The following NADK variants were observed in gnomAD, a reference collection of about 807,000 sequenced individuals.
NADK encodes poly(P)/ATP NAD kinase.
Under a neutral mutation model 49.8 loss-of-function variants are expected in NADK, and 22 were observed. The ratio of observed to expected loss-of-function variants is 0.44; its 90% CI spans 0.32 to 0.63. The LOEUF is 0.63. Ranked by LOEUF, NADK falls within the 30% of genes least tolerant of loss-of-function variation. The pLI, the probability that NADK is intolerant of heterozygous loss-of-function variation, is 0.06. For synonymous variants in NADK, 268 were observed against 253.7 expected, an observed-to-expected ratio of 1.06 and a Z score of -0.54; for missense variants, 438 against 609.4, an observed-to-expected ratio of 0.72 and a Z score of 2.96.
intron 1 of NADK, among the ~76,000 whole-genome samples, chr1:1,766,311 C>A (rs1354462880): frequency 6.8e-6 from 1 of 146,864 alleles, no homozygotes; most frequent in East Asian, 2.0e-4. Flanking sequence ...GAGGTTGAGG[C>A]AGGAGAATCG....
At position 1,754,600 on chromosome 1, in the gene NADK, C is replaced by G. The variant is rs749358997; in HGVS notation, c.787G>C (p.Gly263Arg). ...TAVHNGLGENGSQAAGLDMDV... is the reference protein window; with the variant it reads ...TAVHNGLGENRSQAAGLDMDV... ...ATGTCCAGGCCTGCAGCCTGCGAGCCGTTCTCACCCAGCCCATTGTGCACG... is the reference window on the plus strand; with the variant it reads ...ATGTCCAGGCCTGCAGCCTGCGAGCGGTTCTCACCCAGCCCATTGTGCACG... The change falls in exon 8 of 12, where the codon GGC becomes CGC. Residue 263 changes from glycine (G) to arginine (R), a missense_variant. Transcript: ENST00000341426. This position sits in a 1 kb window ranked among gnomAD's most constrained non-coding sequence, Gnocchi z 4.3. 6.2e-7 allele frequency: 1 copy of G among 1,613,946 alleles called. No homozygotes were observed. The highest frequency in any genetic ancestry group is 8.5e-7 in the Non-Finnish European group (1 of 1,179,920).
At chr1:1,756,047 G>C (rs1359592224) in intron 6 of NADK, 2 of 603,066 alleles carry the variant, frequency 3.3e-6, no homozygotes, top group Non-Finnish European at 5.9e-6. Flanking sequence ...GCGGGCGCTG[G>C]CCACCCCCAG....
chr1:1,753,797 G>A (rs1398251498), intron 10 of NADK, 148 bp from the exon 11 acceptor site: 1 of 818,898 alleles, frequency 1.2e-6, no homozygotes. Context: ...ACAGGCACCG[G>A]CCCAGCTCAG....
At chr1:1,757,596 C>T (rs1645572114) in intron 3 of NADK, among the ~76,000 whole-genome samples, 2 of 152,104 alleles carry the variant, frequency 1.3e-5, no homozygotes, top group African/African-American at 2.4e-5. Flanking sequence ...GCACGCACCA[C>T]AGCCCTTCCC....
intron 3 of NADK, chr1:1,759,735 G>A (rs1358363293): frequency 1.7e-5 from 27 of 1,553,400 alleles, no homozygotes; most frequent in Non-Finnish European, 2.4e-5. Context: ...CAAACCCACC[G>A]CTTCCTCCTG....
intron 6 of NADK, chr1:1,756,016 C>T (rs185486639): frequency 1.5e-4 from 88 of 585,296 alleles, no homozygotes; most frequent in Non-Finnish European, 2.5e-4. Context: ...CACCACCCTG[C>T]GCCACTCCCT....
chr1:1,771,709 C>T (rs1570578296), intron 1 of NADK, among the ~76,000 whole-genome samples: 1 of 152,182 alleles, frequency 6.6e-6, no homozygotes, highest in Non-Finnish European at 1.5e-5. Context: ...CCAACCACTT[C>T]CTCATACTAC....
At chr1:1,759,047 C>A in intron 3 of NADK, 7 of 1,470,742 alleles carry the variant, frequency 4.8e-6, no homozygotes, top group Non-Finnish European at 6.3e-6. Flanking sequence ...GCCAGCAAAG[C>A]CCCCGCCCTG....
At chr1:1,759,243 C>T in intron 3 of NADK, 1 of 1,567,204 alleles carries the variant, frequency 6.4e-7, no homozygotes, top group Non-Finnish European at 8.6e-7. Flanking sequence ...TCCTGGGTCA[C>T]CTGCAAAGCA....
At chr1:1,767,063 C>T (rs769515102) in intron 1 of NADK, among the ~76,000 whole-genome samples, 20 of 152,194 alleles carry the variant, frequency 1.3e-4, no homozygotes, top group African/African-American at 3.6e-4. Context: ...TACAGGCGTG[C>T]GCCACCACGC....
chr1:1,777,859 T>G (rs1302719810), intron 1 of NADK, among the ~76,000 whole-genome samples: 2 of 152,212 alleles, frequency 1.3e-5, no homozygotes, highest in African/African-American at 4.8e-5. Context: ...ATGCCAATAC[T>G]GCTGTATAGA....
At position 1,752,827 on chromosome 1, in the gene NADK, GAC is replaced by G; in HGVS notation, c.*75_*76del. The G allele has an allele frequency of 3.9e-6, 6 of 1,519,742 alleles. No homozygotes were observed. Among genetic ancestry groups the G allele is most frequent in the Non-Finnish European group, 4.5e-6 (5 of 1,118,468 alleles). 94.1% of individuals were successfully genotyped at this position (1,519,742 alleles called of 1,614,324 possible). ...CGTGCCACTGAGACAGGCGGTCACA[GAC>G]ACACGCAGATTGGTCTGTCCCCAGA... On this transcript the variant is annotated 3_prime_UTR_variant, in exon 12 of 12. Transcript: ENST00000341426.
At chr1:1,759,818 C>T (rs1469285059) in intron 3 of NADK, 2 of 1,553,064 alleles carry the variant, frequency 1.3e-6, no homozygotes, top group Admixed American at 3.9e-5. Flanking sequence ...GCAGAACATG[C>T]ACCTGTCCGG....
chr1:1,765,135 G>A (rs1645845638), intron 2 of NADK, 93 bp downstream of exon 2: 2 of 1,271,768 alleles, frequency 1.6e-6, no homozygotes, highest in Non-Finnish European at 1.1e-6. Context: ...CATCGACGCA[G>A]ACTACTCAGG....
intron 1 of NADK, among the ~76,000 whole-genome samples, chr1:1,768,432 T>C (rs1645950935): frequency 6.6e-6 from 1 of 152,132 alleles, no homozygotes; most frequent in South Asian, 2.1e-4. Flanking sequence ...GGTGCATGCC[T>C]GCAGTCCCAG....
intron 4 of NADK, chr1:1,756,952 A>T (rs1645544473): frequency 3.6e-6 from 3 of 839,370 alleles, no homozygotes; most frequent in Admixed American, 3.7e-5. Flanking sequence ...CCCGGCCTCC[A>T]GGGCCACGAG....
In NADK at chr1:1,757,280, C is replaced by A. The variant is rs78921781; in HGVS notation, c.294G>T (p.Leu98=). ...MHIQDPASQR[L]TWNKSPKSVL... ...CGCTCTTTGGGGACTTGTTCCACGT[C>A]AGCCGCTGGCTCGCGGGGTCCTGAA... The change falls in exon 4 of 12, where the codon CTG becomes CTT. Residue 98 remains leucine (L), a synonymous_variant. Transcript: ENST00000341426. 2,818 of 1,613,878 alleles carry A rather than the reference C, an allele frequency of 1.7e-3. 11 individuals are homozygous for A. The highest frequency in any genetic ancestry group is 0.016 in the African/African-American group (1,188 of 74,982).
chr1:1,754,038 CG>C lies in NADK; in HGVS notation c.1101+12del. 1 of 1,563,286 alleles carries C rather than the reference CG, an allele frequency of 6.4e-7. No individual in the cohort carries two copies. The highest frequency in any genetic ancestry group is 8.7e-7 in the Non-Finnish European group (1 of 1,154,856). Reference sequence around the variant, plus strand: ...GACTCACAAACCGGAAAAGGAGTGTCGTTGGCTCTGACCTTCAGCTCGACCC... The same window carrying C: ...GACTCACAAACCGGAAAAGGAGTGTCTTGGCTCTGACCTTCAGCTCGACCC... On this transcript the variant is annotated intron_variant, in intron 10 of 11. Transcript: ENST00000341426. This position sits in a 1 kb window ranked among gnomAD's most constrained non-coding sequence, Gnocchi z 4.3.
intron 3 of NADK, chr1:1,759,004 GT>G: frequency 1.4e-6 from 2 of 1,392,066 alleles, no homozygotes; most frequent in Non-Finnish European, 1.9e-6. Context: ...GCCCAAGGGC[GT>G]GCAGGTGGCT....
Sources: gnomAD v4.1 joint callset for allele counts (sites outside exome capture counted in the v4.1 genomes callset) on GRCh38, gnomAD v4.1.1 for gene constraint, Gnocchi (gnomAD v3.1) non-coding constraint, MANE v1.5 for transcripts, NCBI Gene and HGNC (gene_info 2026-07-23, HGNC 2026-07-21) for gene names.